Variants in MAP2K5 observed in about 807,000 individuals in gnomAD.
MAP2K5 encodes dual specificity mitogen-activated protein kinase kinase 5.
Under a neutral mutation model 83.1 loss-of-function variants are expected in MAP2K5, and 49 were observed. The ratio of observed to expected loss-of-function variants is 0.59; its 90% CI spans 0.47 to 0.75. The LOEUF is 0.75. Ranked by LOEUF, MAP2K5 falls within the 30% of genes least tolerant of loss-of-function variation. The pLI, the probability that MAP2K5 is intolerant of heterozygous loss-of-function variation, is 0.00. For synonymous variants in MAP2K5, 202 were observed against 191.8 expected, an observed-to-expected ratio of 1.05 and a Z score of -0.44; for missense variants, 457 against 557.5, an observed-to-expected ratio of 0.82 and a Z score of 1.82.
intron 13 of MAP2K5, among the ~76,000 whole-genome samples, chr15:67,671,754 T>C (rs955579605): frequency 6.6e-6 from 1 of 151,332 alleles, no homozygotes; most frequent in African/African-American, 2.4e-5. Context: ...GCTGGTGTGC[T>C]GCACCCATTA....
At chr15:67,664,029 A>G (rs2087306423) in intron 12 of MAP2K5, among the ~76,000 whole-genome samples, 1 of 152,166 alleles carries the variant, frequency 6.6e-6, no homozygotes, top group South Asian at 2.1e-4. Context: ...GTACTTCCAG[A>G]TTATTTTATA....
At chr15:67,618,943 C>T (rs2086116060) in intron 8 of MAP2K5, among the ~76,000 whole-genome samples, 1 of 152,162 alleles carries the variant, frequency 6.6e-6, no homozygotes, top group Admixed American at 6.5e-5. Context: ...TAGGTCTCCC[C>T]CTCTGCTCAT....
intron 16 of MAP2K5, among the ~76,000 whole-genome samples, chr15:67,710,498 T>TTC (rs1491229015): frequency 6.4e-5 from 1 of 15,602 alleles, no homozygotes; most frequent in East Asian, 7.2e-4. Flanking sequence ...TCTTCTGAAG[T>TTC]TTTTTTTTTT....
rs564426348 is a variant in MAP2K5, at chr15:67,718,855, A to C, written c.1045-9061A>C. Among the ~76,000 whole-genome samples the C allele has an allele frequency of 1.9e-3, 285 of 152,326 alleles. 1 individual carries two copies. The highest frequency in any genetic ancestry group is 6.7e-3 in the African/African-American group (277 of 41,574). Reference sequence around the variant, plus strand: ...CAGGCATACAATGTGTAATAATCACATCAGGGTAAATGGGGTATTCACCTC... The same window carrying C: ...CAGGCATACAATGTGTAATAATCACCTCAGGGTAAATGGGGTATTCACCTC... On this transcript the variant is annotated intron_variant, in intron 16 of 21. Transcript: ENST00000178640.
rs1460021334 is a variant in MAP2K5 at position 67,774,064 on chromosome 15, G to A, written c.1242+1312G>A. On this transcript the variant is annotated intron_variant, in intron 21 of 21. Transcript: ENST00000178640. The surrounding 1 kb of genome is among the most constrained non-coding windows in gnomAD (Gnocchi z 4.9). ...ACACATACGCCCATAAATGTATATGGATGTATATGTTGGTAAGGAACACCA... is the reference window on the plus strand; with the variant it reads ...ACACATACGCCCATAAATGTATATGAATGTATATGTTGGTAAGGAACACCA... Among the ~76,000 whole-genome samples the A allele has an allele frequency of 6.6e-6, 1 of 152,076 alleles. No individual in the cohort carries two copies. Among genetic ancestry groups the A allele is most frequent in the Non-Finnish European group, 1.5e-5 (1 of 68,032 alleles).
rs1033015647 is a variant in MAP2K5 at position 67,783,844 on chromosome 15, A to G, written c.1242+11092A>G. Among the ~76,000 whole-genome samples the G allele has an allele frequency of 7.2e-5, 11 of 152,196 alleles. No homozygotes were observed. The highest frequency in any genetic ancestry group is 2.7e-4 in the African/African-American group (11 of 41,442). On this transcript the variant is annotated intron_variant, in intron 21 of 21. Transcript: ENST00000178640. This position sits in a 1 kb window ranked among gnomAD's most constrained non-coding sequence, Gnocchi z 5.1. ...CGGACATTTGGGTATTTATGTGAGT[A>G]TATTACTTTTCTGCACACAGATGTG...
chr15:67,802,716 C>T lies in MAP2K5; in HGVS notation c.1243-3930C>T, dbSNP rs1360633758. On this transcript the variant is annotated intron_variant, in intron 21 of 21. Transcript: ENST00000178640. This position sits in a 1 kb window ranked among gnomAD's most constrained non-coding sequence, Gnocchi z 5.0. ...AGGCCTAGATGCCTGGGGCGGTCAC[C>T]GTGGGTGGAAGATGCTCTTGACAAG... is the stretch of plus-strand genomic sequence containing the variant. 2.6e-5 allele frequency among the ~76,000 whole-genome samples: 4 copies of T among 152,206 alleles called. No individual in the cohort carries two copies. The highest frequency in any genetic ancestry group is 4.4e-5 in the Non-Finnish European group (3 of 68,036).
intron 16 of MAP2K5, among the ~76,000 whole-genome samples, chr15:67,707,537 A>T (rs1276847217): frequency 1.3e-5 from 2 of 152,212 alleles, no homozygotes; most frequent in African/African-American, 4.8e-5. Context: ...ATTCTTACTT[A>T]AGCACTTGCC....
rs1055294206 is a variant in MAP2K5 at position 67,760,914 on chromosome 15, C to T, written c.1135-8688C>T. On this transcript the variant is annotated intron_variant, in intron 19 of 21. Coordinates refer to ENST00000178640, the MANE Select transcript of MAP2K5 (RefSeq NM_145160.3). The surrounding 1 kb of genome is among the most constrained non-coding windows in gnomAD (Gnocchi z 4.1). Reference sequence around the variant, plus strand: ...TACCCAGCAGCTTGGGCTGGGGGCACTGCTCTGCTTCACTGCCGAGTTGCT... The same window carrying T: ...TACCCAGCAGCTTGGGCTGGGGGCATTGCTCTGCTTCACTGCCGAGTTGCT... Among the ~76,000 whole-genome samples the T allele has an allele frequency of 6.6e-6, 1 of 152,136 alleles. No individual in the cohort carries two copies. The highest frequency in any genetic ancestry group is 2.4e-5 in the African/African-American group (1 of 41,434).
chr15:67,756,959 G>A (rs1165281853), intron 19 of MAP2K5, among the ~76,000 whole-genome samples: 1 of 151,922 alleles, frequency 6.6e-6, no homozygotes, highest in Non-Finnish European at 1.5e-5. Flanking sequence ...TGATCCTTGG[G>A]TTGTCTTCCT....
chr15:67,613,834 C>T (rs770216221), intron 8 of MAP2K5, among the ~76,000 whole-genome samples: 13 of 151,668 alleles, frequency 8.6e-5, no homozygotes, highest in Non-Finnish European at 1.5e-4. Flanking sequence ...TCTGATATTA[C>T]GGGGAAGAAG....
chr15:67,567,370 T>G (rs539829981), intron 3 of MAP2K5, among the ~76,000 whole-genome samples: 10 of 150,464 alleles, frequency 6.6e-5, no homozygotes, highest in Admixed American at 4.0e-4. Context: ...TTTTTTTTTT[T>G]TTTTTGAGAC....
intron 7 of MAP2K5, among the ~76,000 whole-genome samples, chr15:67,593,711 G>A (rs1467956289): frequency 6.6e-6 from 1 of 152,232 alleles, no homozygotes; most frequent in African/African-American, 2.4e-5. Flanking sequence ...GATCAAGCCT[G>A]CCTATTAGGC....
At chr15:67,566,259 C>G (rs2589982) in intron 3 of MAP2K5, among the ~76,000 whole-genome samples, 3 of 151,994 alleles carry the variant, frequency 2.0e-5, no homozygotes, top group African/African-American at 7.2e-5. Flanking sequence ...ACTGCAACCT[C>G]CGCCTCCTGG....
rs2088779254 is a variant in MAP2K5 at position 67,714,413 on chromosome 15, GGAAAAAAAAAAAAAAAAAAAA to G, written c.1044+11006_1044+11026del. On this transcript the variant is annotated intron_variant, in intron 16 of 21. Transcript: ENST00000178640. ...CCCCCCACCCCTACCCAGCTGCCAG[GGAAAAAAAAAAAAAAAAAAAA>G]AAAAAAAAAAAAAAAAAAAAACCAC... Among the ~76,000 whole-genome samples the G allele has an allele frequency of 1.4e-3, 60 of 42,682 alleles. 1 individual carries two copies. In the East Asian group the frequency reaches 0.027, roughly 19 times the overall value. 28.0% of individuals were successfully genotyped at this position (42,682 alleles called of 152,430 possible).
At chr15:67,726,177 G>C (rs900942246) in intron 16 of MAP2K5, among the ~76,000 whole-genome samples, 2 of 152,106 alleles carry the variant, frequency 1.3e-5, no homozygotes, top group Non-Finnish European at 2.9e-5. Flanking sequence ...AATGAAACTA[G>C]GTATTCTAAG....
chr15:67,678,319 G>T (rs929095063), intron 13 of MAP2K5, among the ~76,000 whole-genome samples: 4 of 152,146 alleles, frequency 2.6e-5, no homozygotes, highest in African/African-American at 9.7e-5. Context: ...ACTGAGAGTG[G>T]CTTCCTGGTA....
intron 15 of MAP2K5, among the ~76,000 whole-genome samples, chr15:67,697,956 A>G (rs2088308563): frequency 6.6e-6 from 1 of 152,218 alleles, no homozygotes; most frequent in Non-Finnish European, 1.5e-5. Flanking sequence ...TTGAAAAGTC[A>G]TCTTGATCCA....
At chr15:67,687,415 A>G (rs914635018) in intron 13 of MAP2K5, among the ~76,000 whole-genome samples, 3 of 152,194 alleles carry the variant, frequency 2.0e-5, no homozygotes, top group African/African-American at 7.2e-5. Context: ...CCCACTTAGA[A>G]TATACATAAA....
Sources: allele counts gnomAD v4.1 joint callset (sites outside exome capture counted in the v4.1 genomes callset), GRCh38; gene constraint gnomAD v4.1.1; non-coding constraint Gnocchi (gnomAD v3.1); transcripts MANE v1.5; gene names NCBI Gene and HGNC (gene_info 2026-07-23, HGNC 2026-07-21).